Variants in SMOC2 observed in about 807,000 individuals in gnomAD.
SMOC2 encodes SPARC related modular calcium binding 2.
SMOC2 carries 39 observed loss-of-function variants against 61.4 expected under a neutral mutation model. The ratio of observed to expected loss-of-function variants is 0.64; its 90% CI spans 0.49 to 0.83. The LOEUF is 0.83. SMOC2 is among the 40% of genes least tolerant of loss of function. The pLI, the probability that SMOC2 is intolerant of heterozygous loss-of-function variation, is 0.00. For synonymous variants in SMOC2, 247 were observed against 239.9 expected (o/e 1.03, Z -0.27); for missense variants, 556 against 592.9 (o/e 0.94, Z 0.65).
rs1353528415 is a variant in SMOC2 at position 168,441,210 on chromosome 6, A to G, written c.-161A>G. ...ACGCGGAGGACCTCTGGGTGCCTGC[A>G]GGGGAGCTGCTCCAGCCGGGCCGCC... On this transcript the variant is annotated 5_prime_UTR_variant, in exon 1 of 13. Transcript: ENST00000356284. 4 of 1,116,972 alleles carry G rather than the reference A, an allele frequency of 3.6e-6. No individual in the cohort carries two copies. The African/African-American group carries it at 5.0e-5, about 14-fold the overall frequency. 69.2% of individuals were successfully genotyped at this position (1,116,972 alleles called of 1,614,324 possible). A position where few individuals can be genotyped will look rare whatever the true frequency, so the allele number is the denominator to read the frequency against.
At position 168,450,923 on chromosome 6, in the gene SMOC2, T is replaced by A. The variant is rs146125731; in HGVS notation, c.84+9469T>A. ...ATTTTTTGGCACCCCCACATGATAC[T>A]TTACGTATTATTTTTATTCAAACTA... On this transcript the variant is annotated intron_variant, in intron 1 of 12. Coordinates refer to ENST00000356284, the MANE Select transcript of SMOC2 (RefSeq NM_001166412.2). 2.6e-5 allele frequency among the ~76,000 whole-genome samples: 4 copies of A among 152,322 alleles called. No homozygotes were observed. In the East Asian group the frequency reaches 7.7e-4, roughly 29 times the overall value.
intron 1 of SMOC2, among the ~76,000 whole-genome samples, chr6:168,486,480 T>G (rs1462420463): frequency 2.6e-5 from 4 of 152,040 alleles, no homozygotes; most frequent in African/African-American, 9.7e-5. Flanking sequence ...TGTCTTCTCT[T>G]TGCTACTTCT....
intron 1 of SMOC2, among the ~76,000 whole-genome samples, chr6:168,465,821 G>T (rs1781818970): frequency 7.9e-6 from 1 of 126,448 alleles, no homozygotes; most frequent in Non-Finnish European, 1.6e-5. Flanking sequence ...GTGCTGCTCT[G>T]AGAGCTGGAA....
At position 168,597,799 on chromosome 6, in the gene SMOC2, A is replaced by G. The variant is rs1215136453; in HGVS notation, c.638-1019A>G. Among the ~76,000 whole-genome samples, 6 of 152,208 alleles carry G rather than the reference A, an allele frequency of 3.9e-5. No individual in the cohort carries two copies. In the East Asian group the frequency reaches 5.8e-4, roughly 15 times the overall value. On this transcript the variant is annotated intron_variant, in intron 7 of 12. Transcript: ENST00000356284. ...CCTGCTGCAGCCAACAACAGGTCAC[A>G]TGGTCTTTCATTCCTAGATGCTACC... is the stretch of plus-strand genomic sequence containing the variant.
At chr6:168,633,316 A>G (rs543194256) in intron 9 of SMOC2, among the ~76,000 whole-genome samples, 1 of 152,210 alleles carries the variant, frequency 6.6e-6, no homozygotes, top group East Asian at 1.9e-4. Context: ...GCATTTCCCC[A>G]TTTCTTAATT....
At chr6:168,443,937 G>A (rs546561204) in intron 1 of SMOC2, among the ~76,000 whole-genome samples, 1 of 152,296 alleles carries the variant, frequency 6.6e-6, no homozygotes, top group East Asian at 1.9e-4. Context: ...TCAAGCATGT[G>A]GTGAGGATTA....
Position 168,547,106 on chromosome 6 carries a change from G to A in SMOC2, c.512-13G>A, listed in dbSNP as rs148739743. 9.5e-5 allele frequency: 154 copies of A among 1,613,962 alleles called. No homozygotes were observed. Among genetic ancestry groups the A allele is most frequent in the African/African-American group, 2.1e-4 (16 of 74,966 alleles). On this transcript the variant is annotated splice_polypyrimidine_tract_variant and intron_variant, in intron 5 of 12. Transcript: ENST00000356284. ...TGTAGTCTCCTTGCAAATCTTTTCC[G>A]TTCTGAATTCAGATGATGCCGCAGC...
intron 12 of SMOC2, 102 bp from the exon 13 acceptor site, chr6:168,666,319 C>T (rs1787660410): frequency 2.2e-6 from 3 of 1,388,956 alleles, no homozygotes; most frequent in Non-Finnish European, 3.0e-6. Context: ...CTGCCCAGCC[C>T]TCTTTGGTTC....
rs1364660847 is a variant in SMOC2 at position 168,535,975 on chromosome 6, G to A, written c.464-7650G>A. Among the ~76,000 whole-genome samples, 2 of 152,222 alleles carry A rather than the reference G, an allele frequency of 1.3e-5. No homozygotes were observed. Among genetic ancestry groups the A allele is most frequent in the African/African-American group, 2.4e-5 (1 of 41,466 alleles). On this transcript the variant is annotated intron_variant, in intron 4 of 12. Transcript: ENST00000356284. This position sits in a 1 kb window ranked among gnomAD's most constrained non-coding sequence, Gnocchi z 4.6. The stretch of plus-strand genomic sequence containing the variant: ...CAGCCATGCAGCTTCACGGCACAGG[G>A]GCCCGGCCGTTCTCTCTGGATTCTG...
Position 168,441,317 on chromosome 6 carries a change from C to T in SMOC2, c.-54C>T. The T allele has an allele frequency of 6.7e-7, 1 of 1,481,638 alleles. No homozygotes were observed. Among genetic ancestry groups the T allele is most frequent in the East Asian group, 3.0e-5 (1 of 33,740 alleles). The allele number at this position is 1,481,638 out of a possible 1,614,324, so 91.8% of individuals were successfully genotyped here. A position where few individuals can be genotyped will look rare whatever the true frequency, so the allele number is the denominator to read the frequency against. On this transcript the variant is annotated 5_prime_UTR_variant, in exon 1 of 13. Coordinates refer to ENST00000356284, the MANE Select transcript of SMOC2 (RefSeq NM_001166412.2). ...CTCGCCCACTGGGCTCTCCCGGCTG[C>T]AGTGCCAGGGCGCAGGACGCGGCCG...
intron 1 of SMOC2, among the ~76,000 whole-genome samples, chr6:168,493,707 G>A (rs1782521829): frequency 6.6e-6 from 1 of 152,052 alleles, no homozygotes. Context: ...GTTAAAATTA[G>A]CTTTTGACAA....
chr6:168,601,287 T>C (rs189690701), intron 8 of SMOC2, among the ~76,000 whole-genome samples: 1,529 of 152,176 alleles, frequency 0.01, 24 homozygotes, highest in African/African-American at 0.033. Flanking sequence ...GGAGCGTGAG[T>C]GCTGCCCCTT....
At chr6:168,632,119 C>A (rs1786586433) in intron 9 of SMOC2, among the ~76,000 whole-genome samples, 1 of 152,208 alleles carries the variant, frequency 6.6e-6, no homozygotes, top group African/African-American at 2.4e-5. Flanking sequence ...TTACAAACAT[C>A]TTCATCTGAA....
intron 11 of SMOC2, chr6:168,655,373 C>T (rs1787294840): frequency 2.2e-6 from 1 of 454,944 alleles, no homozygotes; most frequent in Middle Eastern, 3.3e-4. Context: ...TTTTTGTGGG[C>T]CTGGCCTACC....
chr6:168,535,172 G>T lies in SMOC2; in HGVS notation c.463+7445G>T, dbSNP rs955816905. On this transcript the variant is annotated intron_variant, in intron 4 of 12. Coordinates refer to ENST00000356284, the MANE Select transcript of SMOC2 (RefSeq NM_001166412.2). This position sits in a 1 kb window ranked among gnomAD's most constrained non-coding sequence, Gnocchi z 4.6. ...TTTTTAGTAGAAACGGGGTTTCACC[G>T]TGTTAGCCTGGATGGTCTCAATCTC... Among the ~76,000 whole-genome samples, 1 of 151,916 alleles carries T rather than the reference G, an allele frequency of 6.6e-6. No individual in the cohort carries two copies. The highest frequency in any genetic ancestry group is 1.5e-5 in the Non-Finnish European group (1 of 67,998).
intron 7 of SMOC2, among the ~76,000 whole-genome samples, chr6:168,585,814 T>C (rs1412577514): frequency 6.6e-6 from 1 of 152,268 alleles, no homozygotes; most frequent in African/African-American, 2.4e-5. Context: ...CATTTTGTCA[T>C]GTCTGTTTTC....
At chr6:168,547,370 G>A (rs996589235) in intron 6 of SMOC2, among the ~76,000 whole-genome samples, 2 of 151,934 alleles carry the variant, frequency 1.3e-5, no homozygotes, top group African/African-American at 4.8e-5. Context: ...AACTCCAATA[G>A]TGAGGAGAGG....
In SMOC2 at chr6:168,492,044, T is replaced by C. The variant is rs149233565; in HGVS notation, c.85-17871T>C. On this transcript the variant is annotated intron_variant, in intron 1 of 12. Transcript: ENST00000356284. ...TTCTTTGAACATGGCTCAGTCTTACTGGTCTGCATCTGGCATTACTAATGC... is the reference window on the plus strand; with the variant it reads ...TTCTTTGAACATGGCTCAGTCTTACCGGTCTGCATCTGGCATTACTAATGC... Among the ~76,000 whole-genome samples, 35 of 152,370 alleles carry C rather than the reference T, an allele frequency of 2.3e-4. No homozygotes were observed. In the East Asian group the frequency reaches 6.7e-3, roughly 29 times the overall value.
chr6:168,562,753 C>T (rs1022426502), intron 7 of SMOC2, among the ~76,000 whole-genome samples: 16 of 152,098 alleles, frequency 1.1e-4, no homozygotes, highest in African/African-American at 3.6e-4. Context: ...AGGTCGGAAG[C>T]GCAGTGTTTT....
Sources: gnomAD v4.1 joint callset for allele counts (sites outside exome capture counted in the v4.1 genomes callset) on GRCh38, gnomAD v4.1.1 for gene constraint, Gnocchi (gnomAD v3.1) non-coding constraint, MANE v1.5 for transcripts, NCBI Gene and HGNC (gene_info 2026-07-23, HGNC 2026-07-21) for gene names.